Variants in TONSL observed in about 807,000 individuals in gnomAD.
The protein encoded by TONSL is tonsoku-like protein.
Under a neutral mutation model 147.1 loss-of-function variants are expected in TONSL, and 112 were observed. That is an observed-to-expected ratio of 0.76 (90% confidence interval 0.65 to 0.89). TONSL has a LOEUF of 0.89. Among genes scored for constraint, TONSL ranks in the 40% least tolerant of loss-of-function variants. The probability of loss-of-function intolerance (pLI) is 0.00; values close to 1 mark genes in which losing one functional copy is unlikely to be tolerated. For missense variants in TONSL, 1,883 were observed against 1,864.6 expected (o/e 1.01, Z -0.18); for synonymous variants, 868 against 801.5 (o/e 1.08, Z -1.40).
chr8:144,444,263 G>T lies in TONSL; in HGVS notation c.38C>A (p.Ala13Glu). 6.9e-7 allele frequency: 1 copy of T among 1,451,836 alleles called. No individual in the cohort carries two copies. The highest frequency in any genetic ancestry group is 9.1e-7 in the Non-Finnish European group (1 of 1,103,952). 89.9% of individuals were successfully genotyped at this position (1,451,836 alleles called of 1,614,324 possible). The change falls in exon 2 of 26, where the codon GCG becomes GAG. Residue 13 changes from alanine (A) to glutamate (E), a missense_variant. Ala to Glu is a moderately radical substitution (Grantham distance 107). Transcript: ENST00000409379. ...LERELRQLSK[A>E]KAKAQRAGQR... Reference sequence around the variant, plus strand: ...CCCGGCCCTCTGCGCCTTGGCTTTCGCCTTGCTCAGCTCTGTGGGAGGAAG... The same window carrying T: ...CCCGGCCCTCTGCGCCTTGGCTTTCTCCTTGCTCAGCTCTGTGGGAGGAAG...
intron 7 of TONSL, 179 bp from the exon 8 acceptor site, chr8:144,441,290 C>A: frequency 1.1e-6 from 1 of 892,186 alleles, no homozygotes; most frequent in Non-Finnish European, 1.7e-6. Context: ...GTCACAAGAA[C>A]TAACACACTT....
In TONSL at chr8:144,433,702, G is replaced by A. The variant is rs782692940; in HGVS notation, c.3445C>T (p.Leu1149=). The A allele has an allele frequency of 1.2e-6, 2 of 1,610,906 alleles. No homozygotes were observed. The highest frequency in any genetic ancestry group is 1.7e-6 in the Non-Finnish European group (2 of 1,179,014). The part of the protein sequence containing the change: ...NPLGDGCGQS[L]ASLLHACPLL... ...GGGCAGGCGTGCAGGAGGGAGGCCA[G>A]GGACTGGCCACAGCCGTCCCCCAGG... The change falls in exon 22 of 26, where the codon CTG becomes TTG. Residue 1149 remains leucine, a synonymous_variant. Coordinates refer to ENST00000409379, the MANE Select transcript of TONSL (RefSeq NM_013432.5).
intron 19 of TONSL, 32 bp from the exon 20 acceptor site, chr8:144,434,921 C>T (rs756391060): frequency 3.7e-6 from 6 of 1,612,536 alleles, no homozygotes; most frequent in Non-Finnish European, 5.1e-6. Context: ...CACCTGGGGG[C>T]TCCCCCGGCT....
chr8:144,439,954 C>T (rs1586693948), intron 11 of TONSL, 67 bp downstream of exon 11: 1 of 758,272 alleles, frequency 1.3e-6, no homozygotes, highest in South Asian at 1.4e-5. Flanking sequence ...CACAGCAGCA[C>T]AGCACACCCC....
intron 13 of TONSL, among the ~76,000 whole-genome samples, chr8:144,437,359 G>A (rs571848666): frequency 1.4e-4 from 21 of 152,346 alleles, no homozygotes; most frequent in Admixed American, 1.2e-3. Context: ...GCACCTGGTC[G>A]CAGGGGCATG....
In TONSL at chr8:144,432,432, C is replaced by A. The variant is rs1388458500; in HGVS notation, c.3588G>T (p.Leu1196=). 6.4e-7 allele frequency: 1 copy of A among 1,571,040 alleles called. No homozygotes were observed. Among genetic ancestry groups the A allele is most frequent in the Non-Finnish European group, 8.6e-7 (1 of 1,161,516 alleles). Residue 1196 remains leucine, a synonymous_variant, in exon 23 of 26, where the codon CTG becomes CTT. Coordinates refer to ENST00000409379, the MANE Select transcript of TONSL (RefSeq NM_013432.5). The part of the protein sequence containing the change: ...QDAEHLKTLS[L]SYNALGAPAL... ...CAGGGGCTCCCAGGGCGTTGTAGGACAGGGACAGGGTCTTCAGGTGCTCAG... is the reference window on the plus strand; with the variant it reads ...CAGGGGCTCCCAGGGCGTTGTAGGAAAGGGACAGGGTCTTCAGGTGCTCAG...
At chr8:144,434,910 C>T in intron 19 of TONSL, 21 bp from the exon 20 acceptor site, 1 of 1,612,946 alleles carries the variant, frequency 6.2e-7, no homozygotes, top group Non-Finnish European at 8.5e-7. Flanking sequence ...CCGTCATGAG[C>T]CACCTGGGGG....
chr8:144,432,294 G>T lies in TONSL; in HGVS notation c.3726C>A (p.Tyr1242Ter). 1 of 1,613,754 alleles carries T rather than the reference G, an allele frequency of 6.2e-7. No individual in the cohort carries two copies. Among genetic ancestry groups the T allele is most frequent in the Non-Finnish European group, 8.5e-7 (1 of 1,179,916 alleles). ...DSDLMEPVFR[Y>*]LAKEGCALAH... ...CTTCCCCACCTCGTACCTTGGCCAG[G>T]TATCGGAATACAGGCTCCATGAGGT... The change falls in exon 23 of 26, where the codon TAC (tyrosine) becomes TAA (stop). Residue 1242 changes from tyrosine to a stop codon, truncating the protein, a stop_gained. Coordinates refer to ENST00000409379, the MANE Select transcript of TONSL (RefSeq NM_013432.5). LOFTEE classifies it high-confidence loss of function.
Position 144,444,251 on chromosome 8 carries a change from G to A in TONSL, c.50C>T (p.Ala17Val), listed in dbSNP as rs986591766. 4 of 1,455,006 alleles carry A rather than the reference G, an allele frequency of 2.7e-6. No individual in the cohort carries two copies. The South Asian group carries it at 5.3e-5, about 19-fold the overall frequency. 90.1% of individuals were successfully genotyped at this position (1,455,006 alleles called of 1,614,324 possible). ...TTCGCGCCGCTGCCCGGCCCTCTGC[G>A]CCTTGGCTTTCGCCTTGCTCAGCTC... ...LRQLSKAKAKAQRAGQRREEA... is the reference protein window; with the variant it reads ...LRQLSKAKAKVQRAGQRREEA... The change falls in exon 2 of 26, where the codon GCG (alanine) becomes GTG (valine). Residue 17 changes from alanine (A) to valine (V), a missense_variant. By Grantham distance (64) the Ala-to-Val change is moderately conservative. Coordinates refer to ENST00000409379, the MANE Select transcript of TONSL (RefSeq NM_013432.5).
chr8:144,438,528 C>T lies in TONSL; in HGVS notation c.1596G>A (p.Leu532=). Residue 532 remains leucine, a synonymous_variant, in exon 13 of 26, where the codon CTG becomes CTA. Coordinates refer to ENST00000409379, the MANE Select transcript of TONSL (RefSeq NM_013432.5). ...GGCCCTCGATGCAGGCTCGGTGCAGCAGGGTCTCCCCCATGTCGTTTCGCC... is the reference window on the plus strand; with the variant it reads ...GGCCCTCGATGCAGGCTCGGTGCAGTAGGGTCTCCCCCATGTCGTTTCGCC... ...WNRRNDMGET[L]LHRACIEGQL... The T allele has an allele frequency of 6.2e-7, 1 of 1,613,166 alleles. No homozygotes were observed. Among genetic ancestry groups the T allele is most frequent in the Non-Finnish European group, 8.5e-7 (1 of 1,179,932 alleles).
At chr8:144,441,290 C>G in intron 7 of TONSL, 179 bp from the exon 8 acceptor site, 1 of 892,186 alleles carries the variant, frequency 1.1e-6, no homozygotes, top group Non-Finnish European at 1.7e-6. Flanking sequence ...GTCACAAGAA[C>G]TAACACACTT....
At chr8:144,441,785 C>G in intron 7 of TONSL, 1 of 447,112 alleles carries the variant, frequency 2.2e-6, no homozygotes, top group East Asian at 4.3e-5. Context: ...AAATAAAAGC[C>G]CAGCTGGTCT....
Position 144,443,268 on chromosome 8 carries a change from C to A in TONSL, c.318G>T (p.Leu106=). The A allele has an allele frequency of 6.4e-7, 1 of 1,550,812 alleles. No homozygotes were observed. Among genetic ancestry groups the A allele is most frequent in the Non-Finnish European group, 8.7e-7 (1 of 1,146,972 alleles). Residue 106 remains leucine (L), a synonymous_variant, in exon 4 of 26, where the codon CTG becomes CTT. Coordinates refer to ENST00000409379, the MANE Select transcript of TONSL (RefSeq NM_013432.5). ...LAHSLRNHTE[L]QRAWATIGRT... ...GGCCGATGGTGGCCCAGGCCCTCTGCAGCTCCGTGTGGTTGCGCAGGGAAT... is the reference window on the plus strand; with the variant it reads ...GGCCGATGGTGGCCCAGGCCCTCTGAAGCTCCGTGTGGTTGCGCAGGGAAT...
At position 144,444,029 on chromosome 8, in the gene TONSL, G is replaced by T. The variant is rs1341244760; in HGVS notation, c.122-5C>A. The T allele has an allele frequency of 6.5e-7, 1 of 1,534,042 alleles. No homozygotes were observed. Among genetic ancestry groups the T allele is most frequent in the African/African-American group, 1.4e-5 (1 of 72,976 alleles). ...CCAGAGCCTCGGCGTAGCGGCCTAG[G>T]CGGGGGCACAGCACGGCCTGGCAGG... On this transcript the variant is annotated splice_region_variant and splice_polypyrimidine_tract_variant and intron_variant, in intron 2 of 25. Coordinates refer to ENST00000409379, the MANE Select transcript of TONSL (RefSeq NM_013432.5).
rs775868344 is a variant in TONSL, at chr8:144,434,855, G to A, written c.3041C>T (p.Pro1014Leu). 63 of 1,613,360 alleles carry A rather than the reference G, an allele frequency of 3.9e-5. No homozygotes were observed. The South Asian group carries it at 4.4e-4, about 11-fold the overall frequency. Residue 1014 changes from proline to leucine, a missense_variant, in exon 20 of 26, where the codon CCG becomes CTG. Pro to Leu is a moderately conservative substitution (Grantham distance 98). Transcript: ENST00000409379. ...GGCCCTGCGGTAGCGGTCAGTCAAC[G>A]GGGGCAGGTCCCACGAAGTCACCTC... Reference protein sequence around the residue: ...LAEVTSWDLPPLTDRYRRACQ... With the variant: ...LAEVTSWDLPLLTDRYRRACQ...
At chr8:144,442,525 C>T in intron 5 of TONSL, 113 bp from the exon 6 acceptor site, 2 of 1,481,336 alleles carry the variant, frequency 1.4e-6, no homozygotes, top group South Asian at 1.3e-5. Context: ...CATGCCTGGC[C>T]TTCTCCCAGT....
chr8:144,433,495 CCT>C lies in TONSL; in HGVS notation c.3559+91_3559+92del, dbSNP rs529361730. ...AGTAGCTGGGACCACAGGTGTTGCC[CCT>C]GTGTGCCCAGCCTGGGCCCCCTCTG... On this transcript the variant is annotated intron_variant, in intron 22 of 25. Coordinates refer to ENST00000409379, the MANE Select transcript of TONSL (RefSeq NM_013432.5). 3.7e-5 allele frequency: 48 copies of C among 1,292,402 alleles called. No individual in the cohort carries two copies. In the African/African-American group the frequency reaches 4.8e-4, roughly 13 times the overall value. The allele number at this position is 1,292,402 out of a possible 1,614,324, so 80.1% of individuals were successfully genotyped here.
At chr8:144,430,204 CT>C (rs1823123769) in intron 25 of TONSL, among the ~76,000 whole-genome samples, 199 bp downstream of exon 25, 1 of 152,336 alleles carries the variant, frequency 6.6e-6, no homozygotes, top group South Asian at 2.1e-4. Context: ...ACCTCGCCCC[CT>C]AACCCATGGT....
At chr8:144,432,072 C>T (rs1188361142) in intron 23 of TONSL, among the ~76,000 whole-genome samples, 3 of 152,022 alleles carry the variant, frequency 2.0e-5, no homozygotes, top group African/African-American at 7.2e-5. Flanking sequence ...GTGATCCACC[C>T]CCTTCGGCCT....
Sources: allele counts gnomAD v4.1 joint callset (sites outside exome capture counted in the v4.1 genomes callset), GRCh38; gene constraint gnomAD v4.1.1; transcripts MANE v1.5; gene names NCBI Gene and HGNC (gene_info 2026-07-23, HGNC 2026-07-21).